Variants in DCAF10 observed in about 807,000 individuals in gnomAD.
DCAF10 encodes DDB1- and CUL4-associated factor 10.
Under a neutral mutation model 51.9 loss-of-function variants are expected in DCAF10, and 19 were observed. That is an observed-to-expected ratio of 0.37 (90% confidence interval 0.26 to 0.54). The LOEUF (loss-of-function observed/expected upper bound fraction) is 0.54, where lower values mean the gene tolerates loss of function less well. Among genes scored for constraint, DCAF10 ranks in the 20% least tolerant of loss-of-function variants. The pLI is 0.87. For synonymous variants in DCAF10, 291 were observed against 297.1 expected (o/e 0.98, Z 0.21); for missense variants, 510 against 730.6 (o/e 0.70, Z 3.48).
At chr9:37,860,358 A>G in intron 6 of DCAF10, 165 bp downstream of exon 6, 3 of 872,620 alleles carry the variant, frequency 3.4e-6, no homozygotes, top group South Asian at 2.0e-5. Context: ...CTTGCTTCAT[A>G]TGGTATCATT....
At chr9:37,835,033 G>T (rs1281416217) in intron 2 of DCAF10, among the ~76,000 whole-genome samples, 1 of 152,096 alleles carries the variant, frequency 6.6e-6, no homozygotes, top group Non-Finnish European at 1.5e-5. Context: ...AGATCAGCTG[G>T]CCTCGGCCTC....
intron 3 of DCAF10, among the ~76,000 whole-genome samples, chr9:37,849,861 C>T (rs1830582994): frequency 6.6e-6 from 1 of 152,008 alleles, no homozygotes; most frequent in African/African-American, 2.4e-5. Flanking sequence ...GCCTGGGCAA[C>T]AGTGCAAGAC....
At position 37,854,889 on chromosome 9, in the gene DCAF10, T is replaced by G; in HGVS notation, c.961T>G (p.Tyr321Asp). ...SKMLISTSSG[Y>D]LLILHDLDLT... ...AATGTTGATTTCAACGTCCTCTGGA[T>G]ATCTCTTAATTTTGCATGACCTTGA... is the stretch of plus-strand genomic sequence containing the variant. Residue 321 changes from tyrosine (Y) to aspartate (D), a missense_variant, in exon 4 of 7, where the codon TAT becomes GAT. Coordinates refer to ENST00000377724, the MANE Select transcript of DCAF10 (RefSeq NM_024345.5). 1 of 1,614,064 alleles carries G rather than the reference T, an allele frequency of 6.2e-7. No individual in the cohort carries two copies. The highest frequency in any genetic ancestry group is 8.5e-7 in the Non-Finnish European group (1 of 1,179,970).
At position 37,856,330 on chromosome 9, in the gene DCAF10, C is replaced by T. The variant is rs532671802; in HGVS notation, c.1055-911C>T. The stretch of plus-strand genomic sequence containing the variant: ...GCAAACAAGGGATTTCATAAATATA[C>T]GAGTATAATCCTTTGAGATTCAAAT... On this transcript the variant is annotated intron_variant, in intron 4 of 6. Coordinates refer to ENST00000377724, the MANE Select transcript of DCAF10 (RefSeq NM_024345.5). Among the ~76,000 whole-genome samples, 8 of 152,254 alleles carry T rather than the reference C, an allele frequency of 5.3e-5. No homozygotes were observed. In the East Asian group the frequency reaches 5.8e-4, roughly 11 times the overall value.
At chr9:37,830,690 T>C (rs1829980542) in intron 2 of DCAF10, among the ~76,000 whole-genome samples, 1 of 152,230 alleles carries the variant, frequency 6.6e-6, no homozygotes, top group African/African-American at 2.4e-5. Flanking sequence ...TCTATGTTGC[T>C]AATATGTTAT....
Position 37,857,322 on chromosome 9 carries a change from A to G in DCAF10, c.1136A>G (p.Lys379Arg). Residue 379 changes from lysine (K) to arginine (R), a missense_variant, in exon 5 of 7, where the codon AAA (lysine) becomes AGA (arginine). Physicochemically the swap from Lys to Arg is conservative, Grantham distance 26 (BLOSUM62 2). Around this residue, in one of 4 missense-constraint regions of DCAF10, gnomAD observed 29 missense variants for 24.9 expected, o/e 1.16. Transcript: ENST00000377724. Reference sequence around the variant, plus strand: ...CATAGTGATTCTAATTCTTCTGAGAAACACATGTCACGAGCCTCTCAAAGA... The same window carrying G: ...CATAGTGATTCTAATTCTTCTGAGAGACACATGTCACGAGCCTCTCAAAGA... The part of the protein sequence containing the change: ...CHHSDSNSSE[K>R]HMSRASQREG... 1 of 1,610,374 alleles carries G rather than the reference A, an allele frequency of 6.2e-7. No individual in the cohort carries two copies. Among genetic ancestry groups the G allele is most frequent in the Non-Finnish European group, 8.5e-7 (1 of 1,178,734 alleles).
intron 2 of DCAF10, among the ~76,000 whole-genome samples, chr9:37,821,017 T>C (rs1272439467): frequency 6.6e-6 from 1 of 151,970 alleles, no homozygotes; most frequent in African/African-American, 2.4e-5. Flanking sequence ...AGCCACCCAG[T>C]TTCCCTCCCC....
rs1393469100 is a variant in DCAF10 at position 37,861,509 on chromosome 9, G to A, written c.*1G>A. ...TTCTTTGTATCAGCCAAAGTTTTAG[G>A]CACAACTTACATCAAATAAGGAACT... On this transcript the variant is annotated 3_prime_UTR_variant, in exon 7 of 7. Transcript: ENST00000377724. The surrounding 1 kb of genome is among the most constrained non-coding windows in gnomAD (Gnocchi z 4.9). 4 of 1,602,850 alleles carry A rather than the reference G, an allele frequency of 2.5e-6. No individual in the cohort carries two copies. Among genetic ancestry groups the A allele is most frequent in the Non-Finnish European group, 1.7e-6 (2 of 1,171,216 alleles).
chr9:37,814,127 T>G (rs368156071), intron 1 of DCAF10, among the ~76,000 whole-genome samples: 2 of 100,636 alleles, frequency 2.0e-5, no homozygotes, highest in African/African-American at 4.1e-5. Context: ...TATATATATA[T>G]TTGTTGTTGT....
At chr9:37,813,011 T>C (rs1022106105) in intron 1 of DCAF10, among the ~76,000 whole-genome samples, 2 of 152,216 alleles carry the variant, frequency 1.3e-5, no homozygotes, top group Non-Finnish European at 2.9e-5. Context: ...AAAAAGTTGA[T>C]GCATGATGTT....
At chr9:37,816,998 T>C (rs1211931059) in intron 1 of DCAF10, among the ~76,000 whole-genome samples, 1 of 152,176 alleles carries the variant, frequency 6.6e-6, no homozygotes, top group Non-Finnish European at 1.5e-5. Context: ...CTTTGCCACA[T>C]AGCAAATATA....
intron 4 of DCAF10, among the ~76,000 whole-genome samples, chr9:37,856,282 A>G (rs748749096): frequency 5.9e-5 from 9 of 152,228 alleles, no homozygotes; most frequent in Non-Finnish European, 1.0e-4. Context: ...AAAAGTAGAA[A>G]TTTAAGTTTT....
intron 2 of DCAF10, among the ~76,000 whole-genome samples, chr9:37,840,051 A>G (rs1369017355): frequency 6.6e-6 from 1 of 152,094 alleles, no homozygotes; most frequent in Non-Finnish European, 1.5e-5. Context: ...GAGCTCAGAG[A>G]ATTGGTAGGT....
chr9:37,855,229 G>C (rs1830812695), intron 4 of DCAF10, among the ~76,000 whole-genome samples: 1 of 152,170 alleles, frequency 6.6e-6, no homozygotes, highest in Non-Finnish European at 1.5e-5. Flanking sequence ...TGACCCTAAA[G>C]TATTTTCTTT....
intron 1 of DCAF10, among the ~76,000 whole-genome samples, chr9:37,807,562 A>G (rs1829152743): frequency 6.6e-6 from 1 of 151,892 alleles, no homozygotes. Flanking sequence ...TCACCTGGTG[A>G]GCATTTTTAT....
At chr9:37,810,459 C>CTTT (rs542709204) in intron 1 of DCAF10, among the ~76,000 whole-genome samples, 34 of 149,486 alleles carry the variant, frequency 2.3e-4, no homozygotes, top group East Asian at 7.8e-4. Flanking sequence ...TTCTTTCTTT[C>CTTT]TTTCTTTTTT....
At chr9:37,831,241 A>G (rs10491683) in intron 2 of DCAF10, among the ~76,000 whole-genome samples, 29,145 of 152,114 alleles carry the variant, frequency 0.19, 3,196 homozygotes, top group African/African-American at 0.29. Context: ...TTTTGAGTGA[A>G]GATCTGAAGA....
At chr9:37,853,427 A>G (rs2118143961) in intron 3 of DCAF10, among the ~76,000 whole-genome samples, 1 of 152,016 alleles carries the variant, frequency 6.6e-6, no homozygotes, top group East Asian at 1.9e-4. Flanking sequence ...AAAAAAAAAA[A>G]AAAAATTCTG....
intron 1 of DCAF10, among the ~76,000 whole-genome samples, chr9:37,805,095 A>G (rs1415295334): frequency 6.6e-6 from 1 of 152,240 alleles, no homozygotes; most frequent in African/African-American, 2.4e-5. Flanking sequence ...TGAAGAACAA[A>G]AAGTGTTAAA....
Sources: gnomAD v4.1 joint callset for allele counts (sites outside exome capture counted in the v4.1 genomes callset) on GRCh38, gnomAD v4.1.1 for gene constraint, gnomAD v4.1.1 regional missense constraint, Gnocchi (gnomAD v3.1) non-coding constraint, MANE v1.5 for transcripts, NCBI Gene and HGNC (gene_info 2026-07-23, HGNC 2026-07-21) for gene names.